The following LARGE1 variants were observed in gnomAD, a reference collection of about 807,000 sequenced individuals.
LARGE1 encodes LARGE xylosyl- and glucuronyltransferase 1.
In LARGE1, 43 loss-of-function variants were observed where a neutral mutation model predicts 87.6. That is an observed-to-expected ratio of 0.49 (90% CI 0.38 to 0.63). The LOEUF is 0.63. LARGE1 is among the 30% of genes least tolerant of loss of function. LARGE1 has a pLI of 0.00. For missense variants in LARGE1, 802 were observed against 1,000.2 expected (o/e 0.80, Z 2.67); for synonymous variants, 434 against 394.6 (o/e 1.10, Z -1.18).
At chr22:33,515,295 T>C (rs1033471164) in intron 6 of LARGE1, among the ~76,000 whole-genome samples, 11 of 152,134 alleles carry the variant, frequency 7.2e-5, no homozygotes, top group African/African-American at 2.2e-4. Flanking sequence ...TTTTACAGCA[T>C]TGCAAGTGGC....
intron 3 of LARGE1, among the ~76,000 whole-genome samples, chr22:33,640,957 G>A (rs2080411167): frequency 6.6e-6 from 1 of 152,166 alleles, no homozygotes; most frequent in Non-Finnish European, 1.5e-5. Flanking sequence ...GTGAGACAGA[G>A]CACCTGGGGC....
chr22:33,136,787 A>C, the LARGE1 span, among the ~76,000 whole-genome samples: 2 of 152,176 alleles, frequency 1.3e-5, no homozygotes, highest in African/African-American at 4.8e-5. Context: ...GAAGCTTGGG[A>C]CATGTGATCC....
Position 33,381,908 on chromosome 22 carries a change from G to C in LARGE1, c.1131+11C>G. The C allele has an allele frequency of 6.2e-7, 1 of 1,613,924 alleles. No individual in the cohort carries two copies. The highest frequency in any genetic ancestry group is 1.1e-5 in the South Asian group (1 of 91,074). ...ACCCTACCTCCAGGGATGTCCCTGT[G>C]TTGACCCTACCTTTAGATCAGACAC... On this transcript the variant is annotated intron_variant, in intron 9 of 14. Transcript: ENST00000397394.
chr22:33,764,816 T>C (rs1356580031), intron 1 of LARGE1, among the ~76,000 whole-genome samples: 3 of 152,204 alleles, frequency 2.0e-5, no homozygotes, highest in African/African-American at 7.2e-5. Flanking sequence ...GCAATGTGAA[T>C]GCTACATAAA....
chr22:33,081,870 A>G, the LARGE1 span, among the ~76,000 whole-genome samples: 1 of 152,216 alleles, frequency 6.6e-6, no homozygotes, highest in African/African-American at 2.4e-5. Context: ...TTAATTATTT[A>G]ACATTTTCCA....
At chr22:33,376,351 C>T (rs1357985235) in intron 9 of LARGE1, among the ~76,000 whole-genome samples, 1 of 152,174 alleles carries the variant, frequency 6.6e-6, no homozygotes, top group African/African-American at 2.4e-5. Flanking sequence ...TTTCTACAAT[C>T]CTACTTTCTT....
intron 2 of LARGE1, among the ~76,000 whole-genome samples, chr22:33,652,394 C>T (rs2080847306): frequency 6.6e-6 from 1 of 151,922 alleles, no homozygotes. Context: ...ATAAAAACCC[C>T]ATCTCCCAAG....
At chr22:33,117,139 G>T in the LARGE1 span, among the ~76,000 whole-genome samples, 1 of 151,598 alleles carries the variant, frequency 6.6e-6, no homozygotes, top group Non-Finnish European at 1.5e-5. Flanking sequence ...GTGATTCTCT[G>T]TCTATCAATC....
At chr22:33,843,364 G>A (rs944724973) in intron 1 of LARGE1, among the ~76,000 whole-genome samples, 2 of 151,714 alleles carry the variant, frequency 1.3e-5, no homozygotes, top group Non-Finnish European at 2.9e-5. Flanking sequence ...CCGACCCCAG[G>A]AGACAGAGTT....
At chr22:33,108,387 A>G in the LARGE1 span, 2 of 152,318 alleles carry the variant, frequency 1.3e-5, no homozygotes, top group African/African-American at 2.4e-5. Context: ...AGCTCTCCCC[A>G]GTGACCCCAG....
At chr22:33,897,853 T>G (rs968030226) in intron 1 of LARGE1, among the ~76,000 whole-genome samples, 2 of 152,206 alleles carry the variant, frequency 1.3e-5, no homozygotes, top group Non-Finnish European at 1.5e-5. Context: ...CATCATTGTT[T>G]TAATATTGCA....
At chr22:33,328,838 C>T (rs1456776553) in intron 10 of LARGE1, among the ~76,000 whole-genome samples, 2 of 152,048 alleles carry the variant, frequency 1.3e-5, no homozygotes, top group Non-Finnish European at 2.9e-5. Flanking sequence ...GGTTTCTAAT[C>T]ACGGCCCCAG....
At chr22:33,822,647 G>A (rs924799530) in intron 1 of LARGE1, among the ~76,000 whole-genome samples, 1 of 152,108 alleles carries the variant, frequency 6.6e-6, no homozygotes, top group African/African-American at 2.4e-5. Flanking sequence ...GCAGTGAGCC[G>A]AGATCACGCC....
At chr22:33,344,927 T>G (rs1203576291) in intron 9 of LARGE1, among the ~76,000 whole-genome samples, 1 of 152,166 alleles carries the variant, frequency 6.6e-6, no homozygotes, top group Non-Finnish European at 1.5e-5. Context: ...TGTAGGCATT[T>G]ATTGACAGGC....
At chr22:33,616,650 C>T (rs2079590702) in intron 4 of LARGE1, among the ~76,000 whole-genome samples, 1 of 152,028 alleles carries the variant, frequency 6.6e-6, no homozygotes, top group Admixed American at 6.5e-5. Flanking sequence ...AAATGAAGAA[C>T]TGATACATGC....
rs553969926 is a variant in LARGE1, at chr22:33,444,126, G to T, written c.788-11861C>A. The stretch of plus-strand genomic sequence containing the variant: ...GTTGTAGAATAAGCACTTCTGTGTA[G>T]GATAAGGCCAACATTTAAGTTCTGG... On this transcript the variant is annotated intron_variant, in intron 6 of 14. Transcript: ENST00000397394. Among the ~76,000 whole-genome samples the T allele has an allele frequency of 2.0e-5, 3 of 152,362 alleles. No homozygotes were observed. The South Asian group carries it at 6.2e-4, about 32-fold the overall frequency.
intron 6 of LARGE1, among the ~76,000 whole-genome samples, chr22:33,558,014 C>A (rs60382052): frequency 0.043 from 6,494 of 152,274 alleles, 485 homozygotes; most frequent in African/African-American, 0.15. Context: ...CACATCACCT[C>A]TACAGACACC....
chr22:33,298,108 C>T (rs1187344361), intron 12 of LARGE1, among the ~76,000 whole-genome samples: 9 of 152,088 alleles, frequency 5.9e-5, no homozygotes, highest in Non-Finnish European at 1.0e-4. Context: ...GGAAATGCCA[C>T]GATGTCTCAC....
chr22:33,785,240 TATGTGTATATATGC>T (rs1325139608), intron 1 of LARGE1, among the ~76,000 whole-genome samples: 1 of 151,870 alleles, frequency 6.6e-6, no homozygotes, highest in East Asian at 1.9e-4. Context: ...TATACATACA[TATGTGTATATATGC>T]ATGTGTATAT....
Sources: allele counts gnomAD v4.1 joint callset (sites outside exome capture counted in the v4.1 genomes callset), GRCh38; gene constraint gnomAD v4.1.1; transcripts MANE v1.5; gene names NCBI Gene and HGNC (gene_info 2026-07-23, HGNC 2026-07-21).